Variants in IARS2 observed in about 807,000 individuals in gnomAD.
The protein encoded by IARS2 is isoleucine--tRNA ligase, mitochondrial.
IARS2 carries 56 observed loss-of-function variants against 126.3 expected under a neutral mutation model. That is an observed-to-expected ratio of 0.44 (90% CI 0.36 to 0.55). The LOEUF (loss-of-function observed/expected upper bound fraction) is 0.55, where lower values mean the gene tolerates loss of function less well. Ranked by LOEUF, IARS2 falls within the 20% of genes least tolerant of loss-of-function variation. The pLI is 0.00. For missense variants in IARS2, 1,127 were observed against 1,245.9 expected (o/e 0.90, Z 1.44); for synonymous variants, 407 against 441.1 (o/e 0.92, Z 0.97).
intron 14 of IARS2, among the ~76,000 whole-genome samples, chr1:220,130,401 T>C (rs372669366): frequency 1.1e-4 from 16 of 152,058 alleles, no homozygotes; most frequent in East Asian, 3.9e-4. Context: ...CTCCTTTACT[T>C]GTGCTTTTGA....
At chr1:220,095,068 G>C (rs1656408997) in intron 1 of IARS2, among the ~76,000 whole-genome samples, 1 of 152,042 alleles carries the variant, frequency 6.6e-6, no homozygotes, top group African/African-American at 2.4e-5. Context: ...ATTATGACTC[G>C]TTTGAAGTCG....
chr1:220,113,666 A>T (rs1026609012), intron 11 of IARS2, among the ~76,000 whole-genome samples: 4 of 152,066 alleles, frequency 2.6e-5, no homozygotes, highest in Admixed American at 1.3e-4. Context: ...TATTTTAGAG[A>T]CAGGCTCTTG....
chr1:220,111,606 G>GTGTT, intron 11 of IARS2, among the ~76,000 whole-genome samples: 1 of 148,718 alleles, frequency 6.7e-6, no homozygotes, highest in Non-Finnish European at 1.5e-5. Flanking sequence ...ATATGTGTGT[G>GTGTT]TGTGTGTGTG....
At chr1:220,111,598 A>ATATATATATGTGTG (rs374024744) in intron 11 of IARS2, among the ~76,000 whole-genome samples, 9 of 134,860 alleles carry the variant, frequency 6.7e-5, no homozygotes, top group African/African-American at 8.2e-5. Flanking sequence ...ATATATATAT[A>ATATATATATGTGTG]TGTGTGTGTG....
chr1:220,109,386 CGA>C (rs1215625804), intron 10 of IARS2, among the ~76,000 whole-genome samples: 1 of 145,670 alleles, frequency 6.9e-6, no homozygotes, highest in Non-Finnish European at 1.5e-5. Context: ...GGCAACAGAG[CGA>C]GAGTCCATCT....
chr1:220,119,383 AG>A (rs1656992008), intron 12 of IARS2, among the ~76,000 whole-genome samples: 1 of 152,118 alleles, frequency 6.6e-6, no homozygotes, highest in African/African-American at 2.4e-5. Context: ...CACTTTTATC[AG>A]CAGTCGTTTA....
In IARS2 at chr1:220,110,896, C is replaced by G. The variant is rs370820809; in HGVS notation, c.1438C>G (p.Gln480Glu). 4 of 1,613,824 alleles carry G rather than the reference C, an allele frequency of 2.5e-6. No individual in the cohort carries two copies. The highest frequency in any genetic ancestry group is 3.4e-6 in the Non-Finnish European group (4 of 1,179,990). Residue 480 changes from glutamine (Q) to glutamate (E), a missense_variant, in exon 11 of 23, where the codon CAG (glutamine) becomes GAG (glutamate). Coordinates refer to ENST00000366922, the MANE Select transcript of IARS2 (RefSeq NM_018060.4). ...KKPVVIRASKQWFINITDIKT... is the reference protein window; with the variant it reads ...KKPVVIRASKEWFINITDIKT... ...ACCTGTGGTTATTCGTGCCAGCAAGCAGTGGTTTATAAACATCACGGATAT... is the reference window on the plus strand; with the variant it reads ...ACCTGTGGTTATTCGTGCCAGCAAGGAGTGGTTTATAAACATCACGGATAT...
In IARS2 at chr1:220,123,910, A is replaced by G. The variant is rs982755382; in HGVS notation, c.1641-1327A>G. On this transcript the variant is annotated intron_variant, in intron 12 of 22. Coordinates refer to ENST00000366922, the MANE Select transcript of IARS2 (RefSeq NM_018060.4). ...TCAGTTTGAATAATGCTTACATAGT[A>G]TTTATTCAAATGTGCCAGGTATTGT... Among the ~76,000 whole-genome samples the G allele has an allele frequency of 4.6e-5, 7 of 152,260 alleles. 1 individual carries two copies. The highest frequency in any genetic ancestry group is 1.7e-4 in the African/African-American group (7 of 41,470).
At chr1:220,103,133 CG>C (rs781037042) in intron 7 of IARS2, among the ~76,000 whole-genome samples, 1 of 151,912 alleles carries the variant, frequency 6.6e-6, no homozygotes, top group Non-Finnish European at 1.5e-5. Context: ...CTCCACCTCC[CG>C]GGTTCAAGCA....
rs754392648 is a variant in IARS2 at position 220,106,041 on chromosome 1, C to T, written c.1217C>T (p.Ser406Phe). Reference sequence around the variant, plus strand: ...GGTATGGAAGACTACGGTGTAGCGTCTCAGCACAACCTGCCCATGGTACTG... The same window carrying T: ...GGTATGGAAGACTACGGTGTAGCGTTTCAGCACAACCTGCCCATGGTACTG... The part of the protein sequence containing the change: ...AHGMEDYGVA[S>F]QHNLPMDCLV... Residue 406 changes from serine to phenylalanine, a missense_variant, in exon 9 of 23, where the codon TCT (serine) becomes TTT (phenylalanine). Coordinates refer to ENST00000366922, the MANE Select transcript of IARS2 (RefSeq NM_018060.4). 4 of 1,613,598 alleles carry T rather than the reference C, an allele frequency of 2.5e-6. No individual in the cohort carries two copies. The African/African-American group carries it at 4.0e-5, about 16-fold the overall frequency.
intron 15 of IARS2, among the ~76,000 whole-genome samples, chr1:220,136,355 C>T (rs1397647893): frequency 6.6e-6 from 1 of 152,210 alleles, no homozygotes; most frequent in Non-Finnish European, 1.5e-5. Flanking sequence ...TGGCCTCGAG[C>T]TCCTGGCCTC....
chr1:220,106,783 C>T (rs1656690214), intron 9 of IARS2, among the ~76,000 whole-genome samples: 1 of 152,048 alleles, frequency 6.6e-6, no homozygotes, highest in Non-Finnish European at 1.5e-5. Context: ...CAGGTGCACA[C>T]CACCATGCCT....
At chr1:220,129,944 A>C (rs1369170986) in intron 14 of IARS2, among the ~76,000 whole-genome samples, 1 of 152,212 alleles carries the variant, frequency 6.6e-6, no homozygotes, top group Admixed American at 6.5e-5. Context: ...AATGTTTTTT[A>C]TAATGACTGT....
intron 10 of IARS2, among the ~76,000 whole-genome samples, chr1:220,107,664 G>C (rs1259252847): frequency 3.3e-5 from 5 of 151,810 alleles, no homozygotes; most frequent in Non-Finnish European, 7.4e-5. Flanking sequence ...TAGGGCTACT[G>C]TAAAAAATCA....
At chr1:220,125,669 G>A (rs955522027) in intron 13 of IARS2, among the ~76,000 whole-genome samples, 31 of 152,156 alleles carry the variant, frequency 2.0e-4, no homozygotes, top group African/African-American at 7.0e-4. Context: ...GCTGAGCATT[G>A]TGGCATGCGC....
intron 15 of IARS2, among the ~76,000 whole-genome samples, chr1:220,135,893 C>G (rs1341416816): frequency 1.4e-5 from 2 of 146,740 alleles, no homozygotes; most frequent in African/African-American, 5.1e-5. Context: ...TTCCAACACA[C>G]TAAAAAGTTT....
intron 17 of IARS2, 90 bp downstream of exon 17, chr1:220,138,133 A>T: frequency 7.1e-7 from 1 of 1,400,572 alleles, no homozygotes. Flanking sequence ...GGAACTGAAA[A>T]AAACTGAATG....
intron 2 of IARS2, among the ~76,000 whole-genome samples, chr1:220,099,425 C>G (rs1656520021): frequency 6.6e-6 from 1 of 152,054 alleles, no homozygotes; most frequent in Non-Finnish European, 1.5e-5. Context: ...TTTCGTAAAA[C>G]ATGTTTGAAA....
At chr1:220,131,302 G>C (rs977143193) in intron 14 of IARS2, among the ~76,000 whole-genome samples, 2 of 151,656 alleles carry the variant, frequency 1.3e-5, no homozygotes, top group African/African-American at 4.8e-5. Context: ...TGAGCCTCCA[G>C]AGTAGCTGGG....
Sources: allele counts gnomAD v4.1 joint callset (sites outside exome capture counted in the v4.1 genomes callset), GRCh38; gene constraint gnomAD v4.1.1; transcripts MANE v1.5; gene names NCBI Gene and HGNC (gene_info 2026-07-23, HGNC 2026-07-21).